Variants in ABCA4 observed in about 807,000 individuals in gnomAD.
ABCA4 encodes retinal-specific phospholipid-transporting ATPase ABCA4.
In ABCA4, 196 loss-of-function variants were observed where a neutral mutation model predicts 263.7. The ratio of observed to expected loss-of-function variants is 0.74; its 90% confidence interval spans 0.66 to 0.84. ABCA4 has a LOEUF of 0.84. ABCA4 is among the 40% of genes least tolerant of loss of function. The pLI, the probability that ABCA4 is intolerant of heterozygous loss-of-function variation, is 0.00. For synonymous variants in ABCA4, 1,133 were observed against 1,094.2 expected (o/e 1.04, Z -0.70); for missense variants, 2,792 against 2,855.1 (o/e 0.98, Z 0.50).
In ABCA4 at chr1:94,063,202, T is replaced by C; in HGVS notation, c.1670A>G (p.Tyr557Cys). 3.1e-6 allele frequency: 5 copies of C among 1,614,154 alleles called. No individual in the cohort carries two copies. Among genetic ancestry groups the C allele is most frequent in the Non-Finnish European group, 4.2e-6 (5 of 1,180,016 alleles). ...FWAGVVFPDM[Y>C]PWTSSLPPHV... is the part of the protein sequence containing the mutation. ...GGGTGGTAGAGAGCTGGTCCAGGGA[T>C]ACATGTCAGGGAATACCACTCCGGC... The change falls in exon 12 of 50, where the codon TAT (tyrosine) becomes TGT (cysteine). Residue 557 changes from tyrosine (Y) to cysteine (C), a missense_variant. Tyr to Cys is a radical substitution (Grantham distance 194). Transcript: ENST00000370225.
At chr1:94,094,649 C>T (rs1004680954) in intron 6 of ABCA4, among the ~76,000 whole-genome samples, 3 of 152,124 alleles carry the variant, frequency 2.0e-5, no homozygotes, top group Admixed American at 6.5e-5. Context: ...GTTCCCCTGC[C>T]GAACTTCCAC....
Position 94,121,137 on chromosome 1 carries a change from G to C in ABCA4, c.-92C>G. 8.8e-7 allele frequency: 1 copy of C among 1,140,848 alleles called. No homozygotes were observed. Among genetic ancestry groups the C allele is most frequent in the Non-Finnish European group, 1.3e-6 (1 of 749,558 alleles). 70.7% of individuals were successfully genotyped at this position (1,140,848 alleles called of 1,614,324 possible). On this transcript the variant is annotated 5_prime_UTR_variant, in exon 1 of 50. Coordinates refer to ENST00000370225, the MANE Select transcript of ABCA4 (RefSeq NM_000350.3). The stretch of plus-strand genomic sequence containing the variant: ...GCCGTTAAGAGCGCCTCTGGCTCCG[G>C]ACGCTGTGTCCTTCTCCTGGTGATT...
At position 94,043,469 on chromosome 1, in the gene ABCA4, C is replaced by T. The variant is rs61749458; in HGVS notation, c.3057G>A (p.Thr1019=). The part of the protein sequence containing the change: ...PQHNILFHHL[T]VAEHMLFYAQ... ...CATAGAACAGCATGTGCTCAGCCACCGTGAGGCTAGGAGGATGGGACAACG... is the reference window on the plus strand; with the variant it reads ...CATAGAACAGCATGTGCTCAGCCACTGTGAGGCTAGGAGGATGGGACAACG... Residue 1019 remains threonine (T), a synonymous_variant, in exon 21 of 50, where the codon ACG becomes ACA. Coordinates refer to ENST00000370225, the MANE Select transcript of ABCA4 (RefSeq NM_000350.3). 8.1e-5 allele frequency: 131 copies of T among 1,614,030 alleles called. No individual in the cohort carries two copies. Among genetic ancestry groups the T allele is most frequent in the East Asian group, 1.1e-4 (5 of 44,882 alleles).
At chr1:94,120,955 T>C (rs753761048) in intron 1 of ABCA4, 25 bp downstream of exon 1, 1 of 1,611,632 alleles carries the variant, frequency 6.2e-7, no homozygotes, top group Non-Finnish European at 8.5e-7. Context: ...CACCTCATTT[T>C]TAAACCACAG....
chr1:94,119,570 T>C (rs1662893115), intron 1 of ABCA4, among the ~76,000 whole-genome samples: 1 of 152,174 alleles, frequency 6.6e-6, no homozygotes, highest in Admixed American at 6.5e-5. Flanking sequence ...GCAGCCTCCA[T>C]GCACGCCTTC....
chr1:94,042,744 T>C lies in ABCA4; in HGVS notation c.3328+17A>G, dbSNP rs763450605. The C allele has an allele frequency of 6.2e-7, 1 of 1,614,200 alleles. No homozygotes were observed. Among genetic ancestry groups the C allele is most frequent in the Non-Finnish European group, 8.5e-7 (1 of 1,180,030 alleles). On this transcript the variant is annotated intron_variant, in intron 22 of 49. Transcript: ENST00000370225. ...GCAGTGAGAGCCCAGCCCAGGAGAC[T>C]GAGCAGCAGCTGTTACCTGAGCGAT...
At chr1:94,011,528 A>G in intron 38 of ABCA4, 143 bp from the exon 39 acceptor site, 1 of 1,367,058 alleles carries the variant, frequency 7.3e-7, no homozygotes, top group Non-Finnish European at 1.0e-6. Context: ...TGGCCACTGG[A>G]GGGATTTGTC....
intron 47 of ABCA4, among the ~76,000 whole-genome samples, chr1:93,999,083 T>C (rs1333842552): frequency 6.6e-5 from 10 of 152,018 alleles, no homozygotes; most frequent in Non-Finnish European, 1.0e-4. Flanking sequence ...TCTTGCTGTT[T>C]CACCCAGGCT....
At position 94,111,457 on chromosome 1, in the gene ABCA4, A is replaced by T. The variant is rs1312265858; in HGVS notation, c.283T>A (p.Ser95Thr). The T allele has an allele frequency of 3.7e-6, 6 of 1,613,934 alleles. No individual in the cohort carries two copies. Among genetic ancestry groups the T allele is most frequent in the Non-Finnish European group, 4.2e-6 (5 of 1,179,994 alleles). Residue 95 changes from serine to threonine, a missense_variant, in exon 3 of 50, where the codon TCA (serine) becomes ACA (threonine). Ser to Thr is a moderately conservative substitution (Grantham distance 58). Transcript: ENST00000370225. ...ACTTACATGGAGTTGTTATAGTTTG[A>T]CACAATTCCAGGAGATTCTCCTGGG... ...PTPGESPGIVSNYNNSILARV... is the reference protein window; with the variant it reads ...PTPGESPGIVTNYNNSILARV...
At position 94,031,864 on chromosome 1, in the gene ABCA4, T is replaced by G; in HGVS notation, c.4042A>C (p.Thr1348Pro). ...ECPGPQLNTG[T>P]QLVLQHVQAL... ...TGCACATGCTGGAGGACCAGCTGTG[T>G]CCCCGTGTTGAGCTGCGGGCCTGGG... Residue 1348 changes from threonine (T) to proline (P), a missense_variant, in exon 27 of 50, where the codon ACA (threonine) becomes CCA (proline). Transcript: ENST00000370225. 1 of 1,614,196 alleles carries G rather than the reference T, an allele frequency of 6.2e-7. No homozygotes were observed. The highest frequency in any genetic ancestry group is 1.1e-5 in the South Asian group (1 of 91,086).
Position 94,029,455 on chromosome 1 carries a change from G to C in ABCA4, c.4529C>G (p.Pro1510Arg). 1 of 1,554,092 alleles carries C rather than the reference G, an allele frequency of 6.4e-7. No individual in the cohort carries two copies. Among genetic ancestry groups the C allele is most frequent in the Non-Finnish European group, 8.7e-7 (1 of 1,148,322 alleles). Residue 1510 changes from proline (P) to arginine (R), a missense_variant, in exon 30 of 50, where the codon CCG becomes CGG. Physicochemically the swap from Pro to Arg is moderately radical, Grantham distance 103 (BLOSUM62 -2). Transcript: ENST00000370225. The part of the protein sequence containing the change: ...PECPEGAGGL[P>R]PPQRTQRSTE... ...TTGGAGGTCAGGTACCTGGGGGGGC[G>C]GGAGGCCCCCGGCACCCTCGGGGCA... is the stretch of plus-strand genomic sequence containing the variant.
intron 1 of ABCA4, among the ~76,000 whole-genome samples, chr1:94,116,966 TTCTCTTTCTTTCTTTC>T (rs1265447521): frequency 2.0e-5 from 2 of 101,708 alleles, no homozygotes; most frequent in African/African-American, 7.3e-5. Context: ...CTTTCTTTCT[TTCTCTTTCTTTCTTTC>T]TTTCTTTCTT....
At chr1:94,030,351 G>C (rs998172344) in intron 29 of ABCA4, 77 bp downstream of exon 29, 1 of 1,305,750 alleles carries the variant, frequency 7.7e-7, no homozygotes, top group Non-Finnish European at 1.1e-6. Context: ...CCTCCCCAAC[G>C]CCTGCCATCT....
chr1:93,994,339 G>T (rs1658942168), intron 49 of ABCA4, among the ~76,000 whole-genome samples: 1 of 152,168 alleles, frequency 6.6e-6, no homozygotes, highest in African/African-American at 2.4e-5. Flanking sequence ...GAGTCCTTTG[G>T]AGAGTAAAAA....
chr1:94,032,059 G>A lies in ABCA4; in HGVS notation c.3863-16C>T. The A allele has an allele frequency of 6.2e-7, 1 of 1,606,474 alleles. No individual in the cohort carries two copies. Among genetic ancestry groups the A allele is most frequent in the Non-Finnish European group, 8.5e-7 (1 of 1,179,960 alleles). ...TGAGCGCCACCTGTTTTGAGAGATT[G>A]AATTAATAATTTGGAAAATGCCTAT... On this transcript the variant is annotated splice_polypyrimidine_tract_variant and intron_variant, in intron 26 of 49. Coordinates refer to ENST00000370225, the MANE Select transcript of ABCA4 (RefSeq NM_000350.3).
At chr1:93,998,951 A>AT (rs1187928891) in intron 47 of ABCA4, among the ~76,000 whole-genome samples, 1 of 140,492 alleles carries the variant, frequency 7.1e-6, no homozygotes, top group African/African-American at 2.7e-5. Context: ...GGGTTTCACT[A>AT]TGTTGGCCAG....
chr1:94,049,548 C>T (rs548473433), intron 17 of ABCA4, among the ~76,000 whole-genome samples: 8 of 152,244 alleles, frequency 5.3e-5, no homozygotes, highest in East Asian at 1.9e-4. Context: ...CGCTTGAACC[C>T]GGGAGGCGGA....
chr1:94,097,874 T>A (rs1020467801), intron 6 of ABCA4, among the ~76,000 whole-genome samples: 2 of 152,144 alleles, frequency 1.3e-5, no homozygotes, highest in Admixed American at 1.3e-4. Flanking sequence ...CTCAGCCTCC[T>A]CAGTAGCTGG....
Position 94,011,332 on chromosome 1 carries a change from G to A in ABCA4, c.5514C>T (p.His1838=), listed in dbSNP as rs757177607. 1 of 1,614,164 alleles carries A rather than the reference G, an allele frequency of 6.2e-7. No individual in the cohort carries two copies. Among genetic ancestry groups the A allele is most frequent in the Non-Finnish European group, 8.5e-7 (1 of 1,180,038 alleles). ...CAATGAGGCCCCGGCCCAGGCAGAA[G>A]TGGGGGAAGACAATGAGCAGCTTCC... is the stretch of plus-strand genomic sequence containing the variant. ...VLRKLLIVFP[H]FCLGRGLIDL... The change falls in exon 39 of 50, where the codon CAC becomes CAT. Residue 1838 remains histidine (H), a synonymous_variant. Transcript: ENST00000370225.
Sources: gnomAD v4.1 joint callset for allele counts (sites outside exome capture counted in the v4.1 genomes callset) on GRCh38, gnomAD v4.1.1 for gene constraint, MANE v1.5 for transcripts, NCBI Gene and HGNC (gene_info 2026-07-23, HGNC 2026-07-21) for gene names.